VAV3: variants seen among roughly 807,000 people sequenced by gnomAD.
The protein encoded by VAV3 is guanine nucleotide exchange factor VAV3.
A neutral mutation model predicts 131.2 loss-of-function variants in VAV3; 94 were observed. The ratio of observed to expected loss-of-function variants is 0.72; its 90% confidence interval spans 0.61 to 0.85. VAV3 has a LOEUF of 0.85. VAV3 is among the 40% of genes least tolerant of loss of function. The pLI, the probability that VAV3 is intolerant of heterozygous loss-of-function variation, is 0.00. For missense variants in VAV3, 939 were observed against 1,002.7 expected, an observed-to-expected ratio of 0.94 and a Z score of 0.86; for synonymous variants, 349 against 342.0, an observed-to-expected ratio of 1.02 and a Z score of -0.22.
intron 12 of VAV3, 35 bp from the exon 13 acceptor site, chr1:107,751,237 T>C (rs759487395): frequency 1.3e-6 from 2 of 1,526,052 alleles, no homozygotes; most frequent in Non-Finnish European, 1.8e-6. Flanking sequence ...GAGTTTTTCA[T>C]AATCACATGA....
intron 20 of VAV3, 26 bp downstream of exon 20, chr1:107,642,593 G>A (rs1375561726): frequency 1.2e-6 from 2 of 1,609,630 alleles, no homozygotes; most frequent in Non-Finnish European, 1.7e-6. Context: ...GTCTGCATCA[G>A]GACCCCTTTC....
At chr1:107,875,376 G>C (rs958137722) in intron 1 of VAV3, among the ~76,000 whole-genome samples, 4 of 152,134 alleles carry the variant, frequency 2.6e-5, no homozygotes, top group African/African-American at 9.7e-5. Flanking sequence ...GGTGGGGCTG[G>C]GTGGGGGAAC....
chr1:107,755,669 G>A (rs183119550), intron 11 of VAV3, among the ~76,000 whole-genome samples, 156 bp from the exon 12 acceptor site: 67 of 152,262 alleles, frequency 4.4e-4, no homozygotes, highest in African/African-American at 1.1e-3. Context: ...AATCAAAGCT[G>A]CATCACAGAG....
At chr1:107,922,504 T>C (rs1227721869) in intron 1 of VAV3, among the ~76,000 whole-genome samples, 1 of 152,210 alleles carries the variant, frequency 6.6e-6, no homozygotes, top group Non-Finnish European at 1.5e-5. Flanking sequence ...TAAAGTATAC[T>C]AGCTGAGCTT....
chr1:107,683,541 G>A lies in VAV3; in HGVS notation c.1732-8C>T, dbSNP rs1658796631. 2.5e-6 allele frequency: 4 copies of A among 1,613,490 alleles called. No individual in the cohort carries two copies. Among genetic ancestry groups the A allele is most frequent in the Non-Finnish European group, 3.4e-6 (4 of 1,179,638 alleles). On this transcript the variant is annotated splice_region_variant and splice_polypyrimidine_tract_variant and intron_variant, in intron 18 of 26. Transcript: ENST00000370056. ...CAGTCCATTGGTCCGTTTCTGTGCAGTAAAGTAAAACAAAGCAAAACAAAT... is the reference window on the plus strand; with the variant it reads ...CAGTCCATTGGTCCGTTTCTGTGCAATAAAGTAAAACAAAGCAAAACAAAT...
intron 19 of VAV3, among the ~76,000 whole-genome samples, chr1:107,675,335 A>G (rs1658124363): frequency 6.6e-6 from 1 of 152,168 alleles, no homozygotes; most frequent in Non-Finnish European, 1.5e-5. Context: ...TAATAATACT[A>G]GGAGATGGCT....
chr1:107,837,917 C>T (rs953530890), intron 2 of VAV3, among the ~76,000 whole-genome samples: 12 of 152,126 alleles, frequency 7.9e-5, no homozygotes, highest in African/African-American at 2.9e-4. Flanking sequence ...AAATGTAAGA[C>T]CTCAAACTGT....
intron 21 of VAV3, 46 bp from the exon 22 acceptor site, chr1:107,610,011 G>A: frequency 6.3e-7 from 1 of 1,578,730 alleles, no homozygotes; most frequent in Non-Finnish European, 8.7e-7. Flanking sequence ...CATAAGGGAA[G>A]CTTTTAGAAA....
At chr1:107,688,043 C>T (rs1054435617) in intron 18 of VAV3, among the ~76,000 whole-genome samples, 4 of 152,176 alleles carry the variant, frequency 2.6e-5, no homozygotes, top group Admixed American at 6.5e-5. Flanking sequence ...CGGCAAATGT[C>T]GGGCAGTGAC....
chr1:107,768,021 C>T (rs907181820), intron 7 of VAV3, among the ~76,000 whole-genome samples: 2 of 152,046 alleles, frequency 1.3e-5, no homozygotes, highest in Non-Finnish European at 2.9e-5. Context: ...TAGTAGAAGT[C>T]AAAGATGTGG....
At chr1:107,963,414 T>G (rs1462759436) in intron 1 of VAV3, 1 of 152,042 alleles carries the variant, frequency 6.6e-6, no homozygotes, top group Non-Finnish European at 1.5e-5. Flanking sequence ...ATAAAATAAT[T>G]TACCTCACTT....
At chr1:107,929,340 A>G (rs1184657066) in intron 1 of VAV3, among the ~76,000 whole-genome samples, 2 of 151,900 alleles carry the variant, frequency 1.3e-5, no homozygotes, top group African/African-American at 4.8e-5. Context: ...CAGTGAAAAT[A>G]TCCTTCAAAC....
At chr1:107,734,833 AAC>A (rs1385775609) in intron 15 of VAV3, among the ~76,000 whole-genome samples, 1 of 152,222 alleles carries the variant, frequency 6.6e-6, no homozygotes, top group Non-Finnish European at 1.5e-5. Flanking sequence ...CCAGGACTTG[AAC>A]TCAGCAATGC....
Position 107,704,941 on chromosome 1 carries a change from C to T in VAV3, c.1604+19G>A. On this transcript the variant is annotated intron_variant, in intron 16 of 26. Transcript: ENST00000370056. The stretch of plus-strand genomic sequence containing the variant: ...ATATCAGTTCCTTTAAACTGAAAAC[C>T]AGGACTGAGCAGGCTTACCTCAGGA... The T allele has an allele frequency of 6.2e-7, 1 of 1,605,024 alleles. No individual in the cohort carries two copies. Among genetic ancestry groups the T allele is most frequent in the Non-Finnish European group, 8.5e-7 (1 of 1,172,396 alleles).
chr1:107,602,350 A>G (rs1651929202), intron 24 of VAV3, 47 bp downstream of exon 24: 2 of 1,369,958 alleles, frequency 1.5e-6, no homozygotes, highest in South Asian at 2.7e-5. Context: ...CTTTCTAACA[A>G]AAGAAAAATA....
At chr1:107,827,947 C>G (rs934200059) in intron 2 of VAV3, among the ~76,000 whole-genome samples, 2 of 152,114 alleles carry the variant, frequency 1.3e-5, no homozygotes, top group Non-Finnish European at 2.9e-5. Flanking sequence ...CTTGGAAGGG[C>G]CTATCAACTA....
intron 2 of VAV3, among the ~76,000 whole-genome samples, chr1:107,799,296 T>TTAGTTTTTGA (rs1666715091): frequency 6.6e-6 from 1 of 151,758 alleles, no homozygotes; most frequent in African/African-American, 2.4e-5. Flanking sequence ...TTTTCTGTTT[T>TTAGTTTTTGA]TAGTGTTCAC....
chr1:107,887,474 C>A (rs1180483763), intron 1 of VAV3, among the ~76,000 whole-genome samples: 1 of 152,124 alleles, frequency 6.6e-6, no homozygotes, highest in African/African-American at 2.4e-5. Flanking sequence ...AATCTGCAAC[C>A]ATTCATTCTG....
chr1:107,847,122 T>G (rs1300825042), intron 2 of VAV3, among the ~76,000 whole-genome samples: 1 of 152,084 alleles, frequency 6.6e-6, no homozygotes, highest in African/African-American at 2.4e-5. Context: ...AGAAACTCAC[T>G]CAAAACCACA....
Sources: gnomAD v4.1 joint callset for allele counts (sites outside exome capture counted in the v4.1 genomes callset) on GRCh38, gnomAD v4.1.1 for gene constraint, MANE v1.5 for transcripts, NCBI Gene and HGNC (gene_info 2026-07-23, HGNC 2026-07-21) for gene names.